Variants in EED observed in about 807,000 individuals in gnomAD.
EED encodes the protein embryonic ectoderm development, also known as polycomb protein EED.
EED carries 9 observed loss-of-function variants against 61.0 expected under a neutral mutation model. The observed-to-expected ratio is 0.15, with a 90% CI of 0.09 to 0.26. EED has a LOEUF of 0.26. EED is among the 10% of genes least tolerant of loss of function. The probability of loss-of-function intolerance (pLI) is 1.00; values close to 1 mark genes in which losing one functional copy is unlikely to be tolerated. For missense variants in EED, 315 were observed against 542.3 expected (o/e 0.58, Z 4.16); for synonymous variants, 187 against 174.4 (o/e 1.07, Z -0.57).
At chr11:86,255,182 A>G (rs558603941) in intron 3 of EED, 40 bp from the exon 4 acceptor site, 11 of 1,494,434 alleles carry the variant, frequency 7.4e-6, no homozygotes, top group Admixed American at 5.3e-5. Flanking sequence ...TATGTTTTCT[A>G]TACTTGAGAT....
chr11:86,270,868 A>C (rs1010536209), intron 9 of EED, among the ~76,000 whole-genome samples: 1 of 152,178 alleles, frequency 6.6e-6, no homozygotes, highest in Middle Eastern at 3.4e-3. Flanking sequence ...GTTCTGTTTC[A>C]TCTGTATATC....
the EED span, among the ~76,000 whole-genome samples, chr11:86,287,513 T>G: frequency 6.6e-6 from 1 of 152,178 alleles, no homozygotes; most frequent in African/African-American, 2.4e-5. Context: ...CAGGCTGATG[T>G]GGAATAAAAA....
chr11:86,260,072 A>T (rs983559187), intron 6 of EED, among the ~76,000 whole-genome samples: 2 of 152,242 alleles, frequency 1.3e-5, no homozygotes, highest in Non-Finnish European at 2.9e-5. Context: ...AGCTTGTACA[A>T]AATTGAAATC....
At position 86,245,266 on chromosome 11, in the gene EED, A is replaced by G; in HGVS notation, c.37A>G (p.Thr13Ala). 1.2e-6 allele frequency: 2 copies of G among 1,613,198 alleles called. No homozygotes were observed. Among genetic ancestry groups the G allele is most frequent in the Non-Finnish European group, 1.7e-6 (2 of 1,179,746 alleles). ...EREVSTAPAG[T>A]DMPAAKKQKL... ...GGAAGTGTCGACTGCGCCGGCGGGA[A>G]CAGACATGCCTGCGGCCAAGAAGCA... Residue 13 changes from threonine to alanine, a missense_variant, in exon 1 of 12, where the codon ACA (threonine) becomes GCA (alanine). Thr to Ala is a moderately conservative substitution (Grantham distance 58). Around this residue, in one of 2 missense-constraint regions of EED, gnomAD observed 110 missense variants for 86.9 expected, o/e 1.27. Transcript: ENST00000263360.
chr11:86,262,377 T>A (rs1366464237), intron 6 of EED, among the ~76,000 whole-genome samples: 7 of 152,278 alleles, frequency 4.6e-5, no homozygotes, highest in Admixed American at 4.6e-4. Context: ...GCTCTTAACT[T>A]CTGCCTTCCA....
chr11:86,286,652 T>A, the EED span, among the ~76,000 whole-genome samples: 1 of 152,138 alleles, frequency 6.6e-6, no homozygotes, highest in Admixed American at 6.6e-5. Flanking sequence ...GGTTTTAAAT[T>A]TTTTTTAATG....
chr11:86,253,430 C>T (rs905551617), intron 3 of EED, among the ~76,000 whole-genome samples: 2 of 152,098 alleles, frequency 1.3e-5, no homozygotes, highest in Admixed American at 6.5e-5. Context: ...AGTTTGTGCT[C>T]CAGTGTGCTG....
intron 4 of EED, among the ~76,000 whole-genome samples, chr11:86,255,690 T>C (rs1482048984): frequency 6.6e-6 from 1 of 152,000 alleles, no homozygotes; most frequent in Non-Finnish European, 1.5e-5. Flanking sequence ...GTAGTCATTC[T>C]AAGTATTTGA....
chr11:86,268,594 CG>C (rs1041392738), intron 9 of EED, 33 bp downstream of exon 9: 1 of 819,598 alleles, frequency 1.2e-6, no homozygotes, highest in Non-Finnish European at 1.9e-6. Flanking sequence ...GTACTTCCAT[CG>C]TGTGTGTGTG....
chr11:86,257,716 A>T, intron 6 of EED, 120 bp downstream of exon 6: 1 of 680,444 alleles, frequency 1.5e-6, no homozygotes, highest in Non-Finnish European at 2.3e-6. Context: ...ACATGCTTGT[A>T]TGTCTGATAA....
chr11:86,285,983 C>G, the EED span, among the ~76,000 whole-genome samples: 1 of 152,088 alleles, frequency 6.6e-6, no homozygotes, highest in African/African-American at 2.4e-5. Flanking sequence ...GTGTCTCATA[C>G]ACACAAGTAT....
intron 6 of EED, among the ~76,000 whole-genome samples, chr11:86,261,155 C>T (rs1444747253): frequency 1.3e-5 from 2 of 152,156 alleles, no homozygotes; most frequent in Non-Finnish European, 2.9e-5. Context: ...GTAAATTCTC[C>T]ATCTGTGGGT....
chr11:86,286,704 G>A, the EED span, among the ~76,000 whole-genome samples: 1 of 152,002 alleles, frequency 6.6e-6, no homozygotes, highest in African/African-American at 2.4e-5. Context: ...CAGGTGCGGT[G>A]GCTCAGGCCT....
At chr11:86,266,273 T>G in intron 8 of EED, 57 bp downstream of exon 8, 16 of 1,438,522 alleles carry the variant, frequency 1.1e-5, no homozygotes, top group Non-Finnish European at 1.4e-5. Flanking sequence ...ATATAAGTTT[T>G]ATTTTTTCCC....
downstream of EED, among the ~76,000 whole-genome samples, chr11:86,282,124 T>G (rs1593780665): frequency 6.6e-6 from 1 of 152,280 alleles, no homozygotes; most frequent in African/African-American, 2.4e-5. Context: ...ATCCCAGACT[T>G]TATTTTAACT....
intron 3 of EED, among the ~76,000 whole-genome samples, chr11:86,252,893 A>G (rs867682076): frequency 1.3e-5 from 2 of 152,024 alleles, no homozygotes; most frequent in Non-Finnish European, 2.9e-5. Context: ...CTGAGTAGCT[A>G]CAGGCATGCA....
intron 6 of EED, among the ~76,000 whole-genome samples, chr11:86,259,598 A>T (rs547407296): frequency 3.3e-5 from 5 of 152,256 alleles, no homozygotes; most frequent in African/African-American, 9.6e-5. Context: ...GATTACAGGC[A>T]TGAGCCATGA....
intron 1 of EED, among the ~76,000 whole-genome samples, chr11:86,247,569 C>G (rs1020826736): frequency 3.9e-5 from 6 of 152,034 alleles, no homozygotes; most frequent in African/African-American, 1.5e-4. Context: ...CATGTGTTAC[C>G]TAGATAATAA....
intron 9 of EED, chr11:86,276,478 C>G (rs1946233051): frequency 1.3e-5 from 2 of 152,148 alleles, no homozygotes; most frequent in Admixed American, 6.6e-5. Context: ...CTGTGTGGCA[C>G]AGATACTGGA....
Sources: allele counts gnomAD v4.1 joint callset (sites outside exome capture counted in the v4.1 genomes callset), GRCh38; gene constraint gnomAD v4.1.1; regional missense constraint gnomAD v4.1.1; transcripts MANE v1.5; gene names NCBI Gene and HGNC (gene_info 2026-07-23, HGNC 2026-07-21).